KAZN: variants seen among roughly 807,000 people sequenced by gnomAD.
The protein encoded by KAZN is kazrin.
KAZN carries 40 observed loss-of-function variants against 87.4 expected under a neutral mutation model. The ratio of observed to expected loss-of-function variants is 0.46; its 90% CI spans 0.36 to 0.60. The LOEUF is 0.60. KAZN is among the 20% of genes least tolerant of loss of function. The probability of loss-of-function intolerance (pLI) is 0.00; values close to 1 mark genes in which losing one functional copy is unlikely to be tolerated. For synonymous variants in KAZN, 466 were observed against 458.3 expected (o/e 1.02, Z -0.22); for missense variants, 898 against 1,073.9 (o/e 0.84, Z 2.29).
At chr1:14,481,612 T>C (rs996114757) in intron 2 of KAZN, among the ~76,000 whole-genome samples, 1 of 151,976 alleles carries the variant, frequency 6.6e-6, no homozygotes, top group African/African-American at 2.4e-5. Context: ...GGGCCTCACA[T>C]AGCAGGGCAC....
intron 2 of KAZN, among the ~76,000 whole-genome samples, chr1:14,977,450 G>A (rs868176064): frequency 3.3e-5 from 5 of 152,180 alleles, no homozygotes; most frequent in Admixed American, 6.5e-5. Flanking sequence ...CTTTCTGGTC[G>A]TGTGGCCTGT....
At chr1:14,096,007 A>T (rs572019895) in intron 1 of KAZN, among the ~76,000 whole-genome samples, 2 of 152,292 alleles carry the variant, frequency 1.3e-5, no homozygotes, top group African/African-American at 2.4e-5. Flanking sequence ...CTGTTGAGTC[A>T]ATGAAATTGC....
chr1:14,247,544 T>A (rs1008420620), intron 2 of KAZN, among the ~76,000 whole-genome samples: 105 of 152,204 alleles, frequency 6.9e-4, no homozygotes, highest in African/African-American at 2.5e-3. Context: ...CTGCATTAGT[T>A]TGCTGAGGAT....
intron 2 of KAZN, among the ~76,000 whole-genome samples, chr1:14,441,852 A>G (rs1422143930): frequency 1.3e-5 from 2 of 152,226 alleles, no homozygotes; most frequent in African/African-American, 4.8e-5. Flanking sequence ...ATAGATGTGT[A>G]TGGTAAAGGC....
chr1:14,222,294 T>G (rs755268782), intron 2 of KAZN, among the ~76,000 whole-genome samples: 3 of 152,118 alleles, frequency 2.0e-5, no homozygotes, highest in Admixed American at 6.6e-5. Flanking sequence ...TGGGGAACTG[T>G]GGGGGGAAAT....
chr1:15,100,764 T>G (rs1213788661), intron 10 of KAZN, among the ~76,000 whole-genome samples: 2 of 152,246 alleles, frequency 1.3e-5, no homozygotes, highest in African/African-American at 4.8e-5. Context: ...AGCCACTGTG[T>G]GGCTCTAGGC....
chr1:14,683,458 T>C (rs1456956919), intron 1 of KAZN, among the ~76,000 whole-genome samples: 2 of 152,194 alleles, frequency 1.3e-5, no homozygotes, highest in Admixed American at 1.3e-4. Flanking sequence ...TTAGGCATTC[T>C]TGGACCCTCC....
intron 1 of KAZN, among the ~76,000 whole-genome samples, chr1:14,094,233 G>GT (rs145945435): frequency 0.03 from 4,636 of 152,112 alleles, 236 homozygotes; most frequent in African/African-American, 0.11. Context: ...CTTTACTATC[G>GT]TTTTTTTGAG....
intron 1 of KAZN, among the ~76,000 whole-genome samples, chr1:13,903,571 A>C (rs2100845395): frequency 6.6e-6 from 1 of 152,270 alleles, no homozygotes; most frequent in South Asian, 2.1e-4. Context: ...GCTAGATTCC[A>C]CTTGGCTGGA....
At chr1:14,559,689 C>T (rs1229424500) in intron 2 of KAZN, among the ~76,000 whole-genome samples, 1 of 152,186 alleles carries the variant, frequency 6.6e-6, no homozygotes, top group Non-Finnish European at 1.5e-5. Flanking sequence ...GACTTCAGTC[C>T]TTCCCTAGTT....
intron 1 of KAZN, among the ~76,000 whole-genome samples, chr1:14,762,312 C>A (rs879910179): frequency 2.0e-5 from 3 of 152,116 alleles, no homozygotes; most frequent in Non-Finnish European, 2.9e-5. Context: ...AATTTGACCC[C>A]AGGGATGATG....
intron 1 of KAZN, among the ~76,000 whole-genome samples, chr1:14,952,761 G>A (rs147000201): frequency 1.1e-4 from 17 of 152,268 alleles, no homozygotes; most frequent in East Asian, 9.6e-4. Flanking sequence ...GGGGAAGCCC[G>A]AAGGTCAGGG....
intron 1 of KAZN, among the ~76,000 whole-genome samples, chr1:14,901,142 G>A (rs748667653): frequency 7.2e-5 from 11 of 152,124 alleles, no homozygotes; most frequent in South Asian, 6.2e-4. Context: ...AAAACTGGTC[G>A]GGGACAACTG....
rs527824730 is a variant in KAZN at position 14,021,495 on chromosome 1, T to G, written c.91+127739T>G. On this transcript the variant is annotated intron_variant, in intron 1 of 16. Coordinates refer to the KAZN transcript ENST00000636203. ...AGTAATACTCAAACTTTGGTGTGTGTCAAAATCCCCTTGACAGCTAATGAA... is the reference window on the plus strand; with the variant it reads ...AGTAATACTCAAACTTTGGTGTGTGGCAAAATCCCCTTGACAGCTAATGAA... Among the ~76,000 whole-genome samples, 84 of 152,188 alleles carry G rather than the reference T, an allele frequency of 5.5e-4. 1 individual carries two copies. Among genetic ancestry groups the G allele is most frequent in the Admixed American group, 2.4e-3 (37 of 15,286 alleles).
chr1:14,085,693 C>T (rs951291416), intron 1 of KAZN, among the ~76,000 whole-genome samples: 2 of 152,024 alleles, frequency 1.3e-5, no homozygotes, highest in African/African-American at 2.4e-5. Context: ...TAGTTTTAGG[C>T]AATGAATAAA....
At chr1:14,788,648 G>A (rs146614176) in intron 1 of KAZN, among the ~76,000 whole-genome samples, 4 of 152,260 alleles carry the variant, frequency 2.6e-5, no homozygotes, top group Admixed American at 1.3e-4. Context: ...AAGGGCCTCC[G>A]TCAAAGCTTA....
At chr1:14,500,783 A>G (rs1192076252) in intron 2 of KAZN, among the ~76,000 whole-genome samples, 1 of 152,196 alleles carries the variant, frequency 6.6e-6, no homozygotes, top group Non-Finnish European at 1.5e-5. Context: ...AAAACAGATT[A>G]TAAATAAAAC....
intron 2 of KAZN, among the ~76,000 whole-genome samples, chr1:14,213,333 G>A (rs377407745): frequency 2.6e-4 from 40 of 152,122 alleles, no homozygotes; most frequent in East Asian, 1.7e-3. Context: ...CATCCCCTCC[G>A]GCCTAAATAG....
At chr1:14,151,804 C>T (rs1645479287) in intron 1 of KAZN, among the ~76,000 whole-genome samples, 1 of 152,222 alleles carries the variant, frequency 6.6e-6, no homozygotes, top group South Asian at 2.1e-4. Flanking sequence ...ATCACACCAG[C>T]TGCCCCAGCA....
Sources: allele counts gnomAD v4.1 joint callset (sites outside exome capture counted in the v4.1 genomes callset), GRCh38; gene constraint gnomAD v4.1.1; transcripts MANE v1.5; gene names NCBI Gene and HGNC (gene_info 2026-07-23, HGNC 2026-07-21).